Variants in WWOX observed in about 807,000 individuals in gnomAD.
WWOX encodes the protein WW domain containing oxidoreductase.
Under a neutral mutation model 46.2 loss-of-function variants are expected in WWOX, and 69 were observed. The ratio of observed to expected loss-of-function variants is 1.49; its 90% confidence interval spans 1.23 to 1.82. The LOEUF (loss-of-function observed/expected upper bound fraction) is 1.82, where lower values mean the gene tolerates loss of function less well. Ranked by LOEUF, WWOX falls within the 40% of genes most tolerant of loss-of-function variation. WWOX has a pLI of 0.00. For synonymous variants in WWOX, 359 were observed against 202.6 expected (o/e 1.77, Z -6.56); for missense variants, 919 against 542.6 (o/e 1.69, Z -6.89).
Position 78,480,120 on chromosome 16 carries a change from G to A in WWOX, c.1056+47368G>A, listed in dbSNP as rs143961748. On this transcript the variant is annotated intron_variant, in intron 8 of 8. Coordinates refer to ENST00000566780, the MANE Select transcript of WWOX (RefSeq NM_016373.4). ...CTTCTGGAGCTTCACTGTCCAATAT[G>A]GTAGCCACGTGTGACTATTAAAATG... 1.1e-3 allele frequency among the ~76,000 whole-genome samples: 167 copies of A among 152,248 alleles called. 1 individual carries two copies. Among genetic ancestry groups the A allele is most frequent in the African/African-American group, 3.8e-3 (159 of 41,550 alleles).
At chr16:79,028,578 C>T (rs1260130053) in intron 8 of WWOX, among the ~76,000 whole-genome samples, 1 of 151,500 alleles carries the variant, frequency 6.6e-6, no homozygotes. Flanking sequence ...TTCCTTCCCT[C>T]CCTTTCCAGC....
At chr16:78,523,808 C>G (rs2043399933) in intron 8 of WWOX, among the ~76,000 whole-genome samples, 1 of 152,230 alleles carries the variant, frequency 6.6e-6, no homozygotes, top group Non-Finnish European at 1.5e-5. Context: ...CAGCTGCTCA[C>G]ACACTCCCTT....
chr16:78,737,476 G>A (rs1046776659), intron 8 of WWOX, among the ~76,000 whole-genome samples: 28 of 152,076 alleles, frequency 1.8e-4, no homozygotes, highest in African/African-American at 6.5e-4. Flanking sequence ...AACAGGTGGT[G>A]TTTGGTTACA....
rs1156546928 is a variant in WWOX, at chr16:79,050,814, G to C, written c.1057-160794G>C. 2.0e-5 allele frequency among the ~76,000 whole-genome samples: 3 copies of C among 152,342 alleles called. No individual in the cohort carries two copies. In the South Asian group the frequency reaches 6.2e-4, roughly 32 times the overall value. On this transcript the variant is annotated intron_variant, in intron 8 of 8. Coordinates refer to ENST00000566780, the MANE Select transcript of WWOX (RefSeq NM_016373.4). ...GCCCAGAGCTTGCTTCTCTTCTGCC[G>C]CCTTTAGGAAACGAGATGAATTGTT...
intron 8 of WWOX, among the ~76,000 whole-genome samples, chr16:78,471,084 C>T (rs527487507): frequency 2.9e-4 from 44 of 152,348 alleles, no homozygotes; most frequent in African/African-American, 9.6e-4. Flanking sequence ...TGATTTGATG[C>T]TTCCAGCCTT....
At chr16:78,914,112 C>T (rs868112409) in intron 8 of WWOX, among the ~76,000 whole-genome samples, 3 of 152,176 alleles carry the variant, frequency 2.0e-5, no homozygotes, top group East Asian at 3.9e-4. Context: ...GATATCACCT[C>T]ACAGGAGTCT....
At position 78,432,650 on chromosome 16, in the gene WWOX, G is replaced by C. The variant is rs971458936; in HGVS notation, c.954G>C (p.Ser318=). The C allele has an allele frequency of 2.5e-6, 4 of 1,614,036 alleles. No individual in the cohort carries two copies. The African/African-American group carries it at 5.3e-5, about 22-fold the overall frequency. ...GCCTCTCCCCACGCGGGGTCACGTC[G>C]AACGCAGTGCATCCTGGAAATATGA... ...HRRLSPRGVT[S]NAVHPGNMMY... Residue 318 remains serine (S), a synonymous_variant, in exon 8 of 9, where the codon TCG becomes TCC. Transcript: ENST00000566780.
chr16:79,176,192 A>T (rs545799012), intron 8 of WWOX, among the ~76,000 whole-genome samples: 3 of 152,134 alleles, frequency 2.0e-5, no homozygotes, highest in Non-Finnish European at 4.4e-5. Context: ...AAACCCCCAA[A>T]GGGGGATTTC....
At chr16:78,722,164 C>G (rs1040999985) in intron 8 of WWOX, among the ~76,000 whole-genome samples, 1 of 152,194 alleles carries the variant, frequency 6.6e-6, no homozygotes, top group Non-Finnish European at 1.5e-5. Context: ...ACGTGGCTCA[C>G]TCCCTGTCTG....
intron 8 of WWOX, among the ~76,000 whole-genome samples, chr16:79,027,024 A>C (rs942374687): frequency 2.0e-5 from 3 of 151,576 alleles, no homozygotes; most frequent in Admixed American, 6.6e-5. Flanking sequence ...TCATGCCTGT[A>C]ATCCCAGCAC....
chr16:78,489,114 G>T (rs944873618), intron 8 of WWOX, among the ~76,000 whole-genome samples: 1 of 152,074 alleles, frequency 6.6e-6, no homozygotes, highest in Non-Finnish European at 1.5e-5. Flanking sequence ...GTTACTAGCA[G>T]ATCAATAGTG....
chr16:78,374,136 C>A (rs2081760790), intron 5 of WWOX, among the ~76,000 whole-genome samples: 1 of 152,208 alleles, frequency 6.6e-6, no homozygotes, highest in Non-Finnish European at 1.5e-5. Flanking sequence ...TGAGTTACTC[C>A]ATACATCATT....
At chr16:79,174,040 A>T (rs1340285364) in intron 8 of WWOX, among the ~76,000 whole-genome samples, 1 of 152,218 alleles carries the variant, frequency 6.6e-6, no homozygotes, top group Non-Finnish European at 1.5e-5. Flanking sequence ...AAGATACGCA[A>T]TTGTAAGTGG....
intron 8 of WWOX, among the ~76,000 whole-genome samples, chr16:79,011,822 A>C (rs1275302106): frequency 6.7e-6 from 1 of 149,514 alleles, no homozygotes; most frequent in East Asian, 2.0e-4. Flanking sequence ...AAAACAAAAA[A>C]CTCTTTTGTG....
At chr16:79,062,774 CCTT>C (rs2048378063) in intron 8 of WWOX, among the ~76,000 whole-genome samples, 2 of 152,136 alleles carry the variant, frequency 1.3e-5, no homozygotes, top group African/African-American at 4.8e-5. Context: ...ATCACAGGGC[CCTT>C]CTTTGTGCAT....
chr16:79,081,665 A>G (rs1286703311), intron 8 of WWOX, among the ~76,000 whole-genome samples: 2 of 152,150 alleles, frequency 1.3e-5, no homozygotes, highest in East Asian at 1.9e-4. Context: ...ACCCGTATCA[A>G]TGGATTGAAA....
intron 8 of WWOX, among the ~76,000 whole-genome samples, chr16:79,137,341 A>C (rs1165603842): frequency 6.6e-6 from 1 of 152,238 alleles, no homozygotes; most frequent in Non-Finnish European, 1.5e-5. Flanking sequence ...TATCAAAAGA[A>C]AATTCATGTG....
chr16:78,170,006 G>A (rs547574120), intron 5 of WWOX, among the ~76,000 whole-genome samples: 1 of 152,306 alleles, frequency 6.6e-6, no homozygotes, highest in African/African-American at 2.4e-5. Context: ...GAGAGGGCTG[G>A]TATGGGAAGA....
At chr16:79,073,418 G>C (rs1318345796) in intron 8 of WWOX, among the ~76,000 whole-genome samples, 2 of 152,086 alleles carry the variant, frequency 1.3e-5, no homozygotes, top group African/African-American at 4.8e-5. Flanking sequence ...GACCTCAGGT[G>C]ATCCACCCAA....
Sources: allele counts gnomAD v4.1 joint callset (sites outside exome capture counted in the v4.1 genomes callset), GRCh38; gene constraint gnomAD v4.1.1; transcripts MANE v1.5; gene names NCBI Gene and HGNC (gene_info 2026-07-23, HGNC 2026-07-21).